The following SLC25A41 variants were observed in gnomAD, a reference collection of about 807,000 sequenced individuals.
SLC25A41 encodes solute carrier family 25 member 41, also known as mitochondrial carrier protein SCaMC-3L.
In SLC25A41, 35 loss-of-function variants were observed where a neutral mutation model predicts 34.7. The ratio of observed to expected loss-of-function variants is 1.01; its 90% confidence interval spans 0.77 to 1.34. The LOEUF (loss-of-function observed/expected upper bound fraction) is 1.34. SLC25A41 is among the 40% of genes most tolerant of loss of function. The pLI is 0.00. For missense variants in SLC25A41, 492 were observed against 489.8 expected (o/e 1.00, Z -0.04); for synonymous variants, 190 against 209.9 (o/e 0.91, Z 0.82).
At chr19:6,430,214 C>G in intron 2 of SLC25A41, 53 bp from the exon 3 acceptor site, 1 of 1,531,672 alleles carries the variant, frequency 6.5e-7, no homozygotes, top group Non-Finnish European at 8.8e-7. Context: ...GTCTCCGTCC[C>G]CATCCCTGCC....
intron 4 of SLC25A41, among the ~76,000 whole-genome samples, chr19:6,429,074 AATATATATATTATATATATGTTAC>A (rs2092261101): frequency 1.7e-5 from 1 of 57,256 alleles, no homozygotes; most frequent in African/African-American, 1.1e-4. Flanking sequence ...ATATATATAT[AATATATATATTATATATATGTTAC>A]ATATATATAT....
At chr19:6,431,111 C>T (rs560760595) in intron 2 of SLC25A41, among the ~76,000 whole-genome samples, 4 of 151,680 alleles carry the variant, frequency 2.6e-5, no homozygotes, top group Non-Finnish European at 4.4e-5. Context: ...TCACCATGCC[C>T]GACTCCTTTT....
In SLC25A41 at chr19:6,433,708, C is replaced by A; in HGVS notation, c.-15G>T. 6.6e-7 allele frequency: 1 copy of A among 1,524,440 alleles called. No individual in the cohort carries two copies. Among genetic ancestry groups the A allele is most frequent in the Non-Finnish European group, 8.8e-7 (1 of 1,131,736 alleles). 94.4% of individuals were successfully genotyped at this position (1,524,440 alleles called of 1,614,324 possible). ...TGAGCGCCCATGGAGGAAGTTAGGA[C>A]ACCTGGCTTCAAATCCCTAAGCAGT... On this transcript the variant is annotated 5_prime_UTR_variant, in exon 1 of 7. Coordinates refer to ENST00000321510, the MANE Select transcript of SLC25A41 (RefSeq NM_173637.4).
chr19:6,429,966 G>C (rs1353838391), intron 3 of SLC25A41, 43 bp downstream of exon 3: 1 of 1,603,182 alleles, frequency 6.2e-7, no homozygotes, highest in Admixed American at 1.7e-5. Context: ...GCATGGGAGG[G>C]GTTTGGGCTT....
At chr19:6,431,782 A>T (rs1289067755) in intron 2 of SLC25A41, among the ~76,000 whole-genome samples, 2 of 151,512 alleles carry the variant, frequency 1.3e-5, no homozygotes, top group Non-Finnish European at 2.9e-5. Flanking sequence ...CCCCATCCCC[A>T]ATTCCCTGAC....
Position 6,430,121 on chromosome 19 carries a change from C to G in SLC25A41, c.404G>C (p.Gly135Ala), listed in dbSNP as rs372424765. ...GCCCTCCTGGACCATGCTCTGTAGC[C>G]CCCCCAGCAGGTTGGTGAAGTTCGT... ...SKTNFTNLLG[G>A]LQSMVQEGGF... The change falls in exon 3 of 7, where the codon GGG becomes GCG. Residue 135 changes from glycine to alanine, a missense_variant. Transcript: ENST00000321510. 5.8e-5 allele frequency: 94 copies of G among 1,613,124 alleles called. No individual in the cohort carries two copies. The highest frequency in any genetic ancestry group is 2.5e-4 in the East Asian group (11 of 44,880).
Position 6,432,065 on chromosome 19 carries a change from G to A in SLC25A41, c.347C>T (p.Ala116Val). The A allele has an allele frequency of 6.2e-7, 1 of 1,612,766 alleles. No homozygotes were observed. Among genetic ancestry groups the A allele is most frequent in the South Asian group, 1.1e-5 (1 of 90,964 alleles). ...SRTGTAPLDR[A>V]KVYMQVYSSK... is the part of the protein sequence containing the mutation. ...CACACAAACCTGCATGTACACCTTGGCTCTGTCCAGAGGTGCCGTGCCCGT... is the reference window on the plus strand; with the variant it reads ...CACACAAACCTGCATGTACACCTTGACTCTGTCCAGAGGTGCCGTGCCCGT... Residue 116 changes from alanine to valine, a missense_variant, in exon 2 of 7, where the codon GCC becomes GTC. Ala to Val is a moderately conservative substitution (Grantham distance 64). Coordinates refer to ENST00000321510, the MANE Select transcript of SLC25A41 (RefSeq NM_173637.4).
At chr19:6,436,107 A>G (rs2092311083), upstream of SLC25A41, 2 of 217,626 alleles carry the variant, frequency 9.2e-6, 1 homozygote, top group South Asian at 1.4e-4. Flanking sequence ...TGTATTAGCC[A>G]GCTGTTGCCA....
rs752811508 is a variant in SLC25A41, at chr19:6,426,372, G to T, written c.*17C>A. On this transcript the variant is annotated 3_prime_UTR_variant, in exon 7 of 7. Coordinates refer to ENST00000321510, the MANE Select transcript of SLC25A41 (RefSeq NM_173637.4). ...CCTGTCCCATTTCTGCCTAGGCTGT[G>T]TCGTCCAGCTCACAGCCTATATGCC... 6.2e-7 allele frequency: 1 copy of T among 1,607,128 alleles called. No individual in the cohort carries two copies.
At position 6,427,014 on chromosome 19, in the gene SLC25A41, C is replaced by A; in HGVS notation, c.940+89G>T. 1 of 1,435,292 alleles carries A rather than the reference C, an allele frequency of 7.0e-7. No individual in the cohort carries two copies. Among genetic ancestry groups the A allele is most frequent in the South Asian group, 1.3e-5 (1 of 77,504 alleles). 88.9% of individuals were successfully genotyped at this position (1,435,292 alleles called of 1,614,324 possible). A position where few individuals can be genotyped will look rare whatever the true frequency, so the allele number is the denominator to read the frequency against. ...GGCTGGGATCAGACACGGAGGGTGC[C>A]GGACTCAGTTTTGGGGTATGAGAAA... On this transcript the variant is annotated intron_variant, in intron 6 of 6. Transcript: ENST00000321510. The surrounding 1 kb of genome is among the most constrained non-coding windows in gnomAD (Gnocchi z 4.9).
chr19:6,426,612 C>T, intron 6 of SLC25A41, 51 bp from the exon 7 acceptor site: 1 of 1,585,434 alleles, frequency 6.3e-7, no homozygotes. Flanking sequence ...ACCGGGCCTC[C>T]TAGGAGTCTG....
chr19:6,428,123 G>C (rs2092252527), intron 4 of SLC25A41, among the ~76,000 whole-genome samples: 1 of 152,044 alleles, frequency 6.6e-6, no homozygotes, highest in Non-Finnish European at 1.5e-5. Context: ...GTTAGATTAA[G>C]AGTGAACCCT....
chr19:6,430,154 G>T lies in SLC25A41; in HGVS notation c.371C>A (p.Ser124Tyr). Reference protein sequence around the residue: ...DRAKVYMQVYSSKTNFTNLLG... With the variant: ...DRAKVYMQVYYSKTNFTNLLG... ...CAGGTTGGTGAAGTTCGTCTTGGAG[G>T]AGTAGACCTGGGTGGAGGGAGGACC... The change falls in exon 3 of 7, where the codon TCC (serine) becomes TAC (tyrosine). Residue 124 changes from serine to tyrosine, a missense_variant. Coordinates refer to ENST00000321510, the MANE Select transcript of SLC25A41 (RefSeq NM_173637.4). The T allele has an allele frequency of 6.2e-7, 1 of 1,611,828 alleles. No homozygotes were observed. Among genetic ancestry groups the T allele is most frequent in the South Asian group, 1.1e-5 (1 of 90,756 alleles).
chr19:6,429,078 TATATATTATATATATGTTAC>T lies in SLC25A41; in HGVS notation c.624+626_624+645del, dbSNP rs1313664107. 2.3e-4 allele frequency among the ~76,000 whole-genome samples: 12 copies of T among 51,694 alleles called. 1 individual carries two copies. The highest frequency in any genetic ancestry group is 1.4e-3 in the African/African-American group (12 of 8,430). The allele number at this position is 51,694 out of a possible 152,430, so 33.9% of individuals were successfully genotyped here. The stretch of plus-strand genomic sequence containing the variant: ...ATATATGTTATATATATATATAATA[TATATATTATATATATGTTAC>T]ATATATATATAATATATATATTATA... On this transcript the variant is annotated intron_variant, in intron 4 of 6. Coordinates refer to ENST00000321510, the MANE Select transcript of SLC25A41 (RefSeq NM_173637.4).
At chr19:6,432,757 G>A (rs1019538321) in intron 1 of SLC25A41, among the ~76,000 whole-genome samples, 21 of 147,918 alleles carry the variant, frequency 1.4e-4, no homozygotes, top group Non-Finnish European at 2.3e-4. Context: ...TGCAACCTCC[G>A]CCTCCTGGGT....
At chr19:6,435,094 C>T (rs1195022465), upstream of SLC25A41, among the ~76,000 whole-genome samples, 3 of 151,594 alleles carry the variant, frequency 2.0e-5, no homozygotes, top group African/African-American at 7.3e-5. Flanking sequence ...CATGGTGGTC[C>T]ATGCCTGTGG....
At chr19:6,431,548 T>C (rs2092285581) in intron 2 of SLC25A41, among the ~76,000 whole-genome samples, 1 of 152,046 alleles carries the variant, frequency 6.6e-6, no homozygotes, top group Non-Finnish European at 1.5e-5. Flanking sequence ...CAAGCAATTC[T>C]CCTGCCTCAG....
intron 1 of SLC25A41, among the ~76,000 whole-genome samples, chr19:6,432,997 T>A (rs2092292836): frequency 6.6e-6 from 1 of 151,952 alleles, no homozygotes; most frequent in African/African-American, 2.4e-5. Flanking sequence ...AAGTTACTCA[T>A]GGAGGATCCA....
chr19:6,426,313 G>C lies in SLC25A41; in HGVS notation c.*76C>G. On this transcript the variant is annotated 3_prime_UTR_variant, in exon 7 of 7. Coordinates refer to ENST00000321510, the MANE Select transcript of SLC25A41 (RefSeq NM_173637.4). ...CCCAGGGCCTGAACCTTGAGGCCTCGAGGGCTCTTTGGGGCCAGGGGTCAT... is the reference window on the plus strand; with the variant it reads ...CCCAGGGCCTGAACCTTGAGGCCTCCAGGGCTCTTTGGGGCCAGGGGTCAT... The C allele has an allele frequency of 7.3e-7, 1 of 1,378,240 alleles. No individual in the cohort carries two copies. Among genetic ancestry groups the C allele is most frequent in the South Asian group, 1.5e-5 (1 of 66,170 alleles). 85.4% of individuals were successfully genotyped at this position (1,378,240 alleles called of 1,614,324 possible). A position where few individuals can be genotyped will look rare whatever the true frequency, so the allele number is the denominator to read the frequency against.
Sources: gnomAD v4.1 joint callset for allele counts (sites outside exome capture counted in the v4.1 genomes callset) on GRCh38, gnomAD v4.1.1 for gene constraint, Gnocchi (gnomAD v3.1) non-coding constraint, MANE v1.5 for transcripts, NCBI Gene and HGNC (gene_info 2026-07-23, HGNC 2026-07-21) for gene names.